VCAN: variants seen among roughly 807,000 people sequenced by gnomAD.
VCAN encodes versican core protein.
A neutral mutation model predicts 245.5 loss-of-function variants in VCAN; 44 were observed. That is an observed-to-expected ratio of 0.18 (90% CI 0.14 to 0.23). The LOEUF is 0.23. Among genes scored for constraint, VCAN ranks in the 10% least tolerant of loss-of-function variants. The probability of loss-of-function intolerance (pLI) is 1.00; values close to 1 mark genes in which losing one functional copy is unlikely to be tolerated. For missense variants in VCAN, 3,793 were observed against 4,057.9 expected (o/e 0.93, Z 1.77); for synonymous variants, 1,413 against 1,437.0 (o/e 0.98, Z 0.38).
chr5:83,487,858 G>T (rs887739690), intron 2 of VCAN, among the ~76,000 whole-genome samples: 7 of 152,066 alleles, frequency 4.6e-5, no homozygotes, highest in African/African-American at 1.7e-4. Context: ...TCTCATGTCT[G>T]TCCCTATATA....
At chr5:83,563,361 TC>T in intron 12 of VCAN, among the ~76,000 whole-genome samples, 1 of 151,974 alleles carries the variant, frequency 6.6e-6, no homozygotes, top group South Asian at 2.1e-4. Flanking sequence ...AATGCACCAC[TC>T]CCCCTCCAGA....
chr5:83,508,782 C>G lies in VCAN; in HGVS notation c.749-3321C>G, dbSNP rs557790540. Among the ~76,000 whole-genome samples, 5 of 152,176 alleles carry G rather than the reference C, an allele frequency of 3.3e-5. No individual in the cohort carries two copies. The South Asian group carries it at 1.0e-3, about 32-fold the overall frequency. ...TTTTTTTCATCTGAATTACAAGAAA[C>G]CCAATGGTAATGTTTCTTGCAATAT... On this transcript the variant is annotated intron_variant, in intron 5 of 14. Transcript: ENST00000265077.
chr5:83,492,140 T>C (rs1303836309), intron 3 of VCAN, among the ~76,000 whole-genome samples: 2 of 152,222 alleles, frequency 1.3e-5, no homozygotes, highest in Non-Finnish European at 2.9e-5. Context: ...GCGTTGGCAC[T>C]GATCTGAGGC....
At chr5:83,530,685 G>GT (rs1229464928) in intron 7 of VCAN, among the ~76,000 whole-genome samples, 1 of 152,136 alleles carries the variant, frequency 6.6e-6, no homozygotes, top group East Asian at 1.9e-4. Flanking sequence ...AAAAATGTTA[G>GT]TTTTTAAGTG....
At chr5:83,570,489 T>C (rs576490809) in intron 12 of VCAN, among the ~76,000 whole-genome samples, 4 of 152,318 alleles carry the variant, frequency 2.6e-5, no homozygotes, top group South Asian at 4.1e-4. Flanking sequence ...AAATTTTTTT[T>C]ACCATATTTA....
In VCAN at chr5:83,580,543, C is replaced by G; in HGVS notation, c.*109C>G. 6.5e-7 allele frequency: 1 copy of G among 1,527,986 alleles called. No homozygotes were observed. Among genetic ancestry groups the G allele is most frequent in the Admixed American group, 1.9e-5 (1 of 52,456 alleles). The allele number at this position is 1,527,986 out of a possible 1,614,324, so 94.7% of individuals were successfully genotyped here. On this transcript the variant is annotated 3_prime_UTR_variant, in exon 15 of 15. Transcript: ENST00000265077. ...TTATCAGTTGGTTTGGATTTTTGGA[C>G]CACCGTTCAGTCATTTTGGGTTGCC...
chr5:83,490,021 C>A (rs1744924593), intron 2 of VCAN, 77 bp from the exon 3 acceptor site: 2 of 1,504,534 alleles, frequency 1.3e-6, no homozygotes, highest in African/African-American at 1.4e-5. Context: ...ATAAAGGCTG[C>A]TTATCCATTC....
At chr5:83,518,141 T>C (rs149806066) in intron 6 of VCAN, among the ~76,000 whole-genome samples, 5 of 152,290 alleles carry the variant, frequency 3.3e-5, no homozygotes, top group African/African-American at 1.2e-4. Flanking sequence ...TTAAGTCCTA[T>C]AGGATGTAGC....
intron 7 of VCAN, among the ~76,000 whole-genome samples, chr5:83,530,008 T>C (rs1358244120): frequency 6.6e-6 from 1 of 152,156 alleles, no homozygotes; most frequent in Non-Finnish European, 1.5e-5. Flanking sequence ...TACTTTAGTG[T>C]CTGCTTAACT....
chr5:83,539,597 A>C lies in VCAN; in HGVS notation c.6594A>C (p.Glu2198Asp). 1.2e-6 allele frequency: 2 copies of C among 1,614,074 alleles called. No homozygotes were observed. The highest frequency in any genetic ancestry group is 1.3e-5 in the African/African-American group (1 of 75,058). Reference sequence around the variant, plus strand: ...TGGAATCTTACACAACTCTCCCTGAAGCTACTGAAAAGTCACATTTTTTCT... The same window carrying C: ...TGGAATCTTACACAACTCTCCCTGACGCTACTGAAAAGTCACATTTTTTCT... ...NGLESYTTLP[E>D]ATEKSHFFLA... Residue 2198 changes from glutamate to aspartate, a missense_variant, in exon 8 of 15, where the codon GAA becomes GAC. Coordinates refer to ENST00000265077, the MANE Select transcript of VCAN (RefSeq NM_004385.5).
At chr5:83,531,291 C>T (rs374705310) in intron 7 of VCAN, 1 of 152,070 alleles carries the variant, frequency 6.6e-6, no homozygotes. Context: ...CAGTAAGTAC[C>T]ATGAGTGGCT....
chr5:83,476,988 TTTA>T (rs1744415047), intron 1 of VCAN, among the ~76,000 whole-genome samples: 1 of 152,176 alleles, frequency 6.6e-6, no homozygotes, highest in African/African-American at 2.4e-5. Flanking sequence ...TTATAATCTT[TTTA>T]TTATTAAATT....
chr5:83,508,714 C>A (rs373900392), intron 5 of VCAN, among the ~76,000 whole-genome samples: 1 of 152,134 alleles, frequency 6.6e-6, no homozygotes, highest in Non-Finnish European at 1.5e-5. Flanking sequence ...TTCTTTTAAT[C>A]CTCACCTTAA....
intron 5 of VCAN, among the ~76,000 whole-genome samples, chr5:83,495,459 T>G (rs1362449560): frequency 1.3e-5 from 2 of 152,202 alleles, no homozygotes; most frequent in African/African-American, 4.8e-5. Context: ...ATTTTATTTT[T>G]GTATATAGGA....
chr5:83,501,419 G>A (rs984311179), intron 5 of VCAN, among the ~76,000 whole-genome samples: 1 of 152,250 alleles, frequency 6.6e-6, no homozygotes, highest in Admixed American at 6.5e-5. Context: ...TAGTCTAAGA[G>A]ATTTATAAGT....
At chr5:83,558,168 C>T (rs145263799) in intron 12 of VCAN, among the ~76,000 whole-genome samples, 3 of 152,076 alleles carry the variant, frequency 2.0e-5, no homozygotes, top group Non-Finnish European at 2.9e-5. Flanking sequence ...CCCTTAAACT[C>T]GTTTGTAGTT....
intron 7 of VCAN, chr5:83,531,483 C>A (rs1223039425): frequency 1.3e-5 from 2 of 152,034 alleles, no homozygotes; most frequent in East Asian, 3.9e-4. Context: ...GTATAATCAT[C>A]ATTTTCACTA....
chr5:83,530,193 G>A (rs1316367261), intron 7 of VCAN, among the ~76,000 whole-genome samples: 1 of 152,012 alleles, frequency 6.6e-6, no homozygotes, highest in African/African-American at 2.4e-5. Flanking sequence ...AGTTGTGAAA[G>A]TTGGGCTTAT....
At chr5:83,550,422 T>C (rs1483157566) in intron 10 of VCAN, among the ~76,000 whole-genome samples, 2 of 152,166 alleles carry the variant, frequency 1.3e-5, no homozygotes, top group Non-Finnish European at 2.9e-5. Flanking sequence ...GAAAATGTCA[T>C]CCACAAAGGT....
Sources: gnomAD v4.1 joint callset for allele counts (sites outside exome capture counted in the v4.1 genomes callset) on GRCh38, gnomAD v4.1.1 for gene constraint, MANE v1.5 for transcripts, NCBI Gene and HGNC (gene_info 2026-07-23, HGNC 2026-07-21) for gene names.